The following RNLS variants were observed in gnomAD, a reference collection of about 807,000 sequenced individuals.
RNLS encodes the protein renalase, FAD dependent amine oxidase, also known as renalase.
In RNLS, 39 loss-of-function variants were observed where a neutral mutation model predicts 39.8. The observed-to-expected ratio is 0.98, with a 90% CI of 0.76 to 1.28. RNLS has a LOEUF of 1.28. RNLS is among the 50% of genes most tolerant of loss of function. The pLI, the probability that RNLS is intolerant of heterozygous loss-of-function variation, is 0.00. For missense variants in RNLS, 410 were observed against 413.3 expected (o/e 0.99, Z 0.07); for synonymous variants, 147 against 150.7 (o/e 0.98, Z 0.18).
rs571367006 is a variant in RNLS, at chr10:88,467,982, C to G, written c.526+104921G>C. 6.6e-4 allele frequency among the ~76,000 whole-genome samples: 101 copies of G among 152,294 alleles called. 1 individual carries two copies. In the South Asian group the frequency reaches 7.1e-3, roughly 11 times the overall value. ...ACAGCCATTCCAAACAATTTCCTGGCAGTCTTGCAAGAATTCCAAAATACC... is the reference window on the plus strand; with the variant it reads ...ACAGCCATTCCAAACAATTTCCTGGGAGTCTTGCAAGAATTCCAAAATACC... On this transcript the variant is annotated intron_variant, in intron 4 of 6. Transcript: ENST00000331772.
chr10:88,294,608 T>C (rs138875684), intron 6 of RNLS, among the ~76,000 whole-genome samples: 1,956 of 152,274 alleles, frequency 0.013, 15 homozygotes, highest in Non-Finnish European at 0.02. Flanking sequence ...CTAATTCCTC[T>C]ACACACAACT....
intron 4 of RNLS, among the ~76,000 whole-genome samples, chr10:88,399,196 G>A (rs1450023629): frequency 6.6e-6 from 1 of 151,900 alleles, no homozygotes; most frequent in Non-Finnish European, 1.5e-5. Flanking sequence ...AATATAAATG[G>A]TACAACTCCT....
chr10:88,362,542 G>A lies in RNLS; in HGVS notation c.700+10C>T. ...TTGCTGTATTTAAGGGAAATAATAG[G>A]GGTACTGACCTATATTGCGCTTCTT... On this transcript the variant is annotated intron_variant, in intron 5 of 6. Transcript: ENST00000331772. 6.2e-7 allele frequency: 1 copy of A among 1,610,126 alleles called. No individual in the cohort carries two copies. Among genetic ancestry groups the A allele is most frequent in the Non-Finnish European group, 8.5e-7 (1 of 1,177,600 alleles).
At chr10:88,582,519 T>C (rs546523913) in intron 1 of RNLS, among the ~76,000 whole-genome samples, 2 of 152,290 alleles carry the variant, frequency 1.3e-5, no homozygotes, top group South Asian at 2.1e-4. Flanking sequence ...TATTTAGTAA[T>C]AGGAGTCAGT....
At chr10:88,204,245 A>G in the RNLS span, among the ~76,000 whole-genome samples, 1 of 152,242 alleles carries the variant, frequency 6.6e-6, no homozygotes, top group South Asian at 2.1e-4. Context: ...TTTATTTCTG[A>G]AAGGCTTAGA....
At chr10:88,210,507 C>CT in the RNLS span, among the ~76,000 whole-genome samples, 1 of 152,188 alleles carries the variant, frequency 6.6e-6, no homozygotes, top group Non-Finnish European at 1.5e-5. Flanking sequence ...TGGCAGCTGG[C>CT]TGGGCTGTTT....
intron 4 of RNLS, among the ~76,000 whole-genome samples, chr10:88,493,829 C>T (rs369094589): frequency 6.6e-6 from 1 of 152,146 alleles, no homozygotes; most frequent in Non-Finnish European, 1.5e-5. Context: ...AGAGCTGCAT[C>T]TGTCAGTGGT....
intron 5 of RNLS, among the ~76,000 whole-genome samples, chr10:88,324,128 T>C (rs754334989): frequency 1.8e-4 from 27 of 152,188 alleles, no homozygotes; most frequent in Non-Finnish European, 7.3e-5. Context: ...TATACACTGT[T>C]GGTGGGAACG....
chr10:88,352,373 C>T (rs1334744293), intron 5 of RNLS, among the ~76,000 whole-genome samples: 1 of 152,104 alleles, frequency 6.6e-6, no homozygotes, highest in African/African-American at 2.4e-5. Context: ...AGATACATCC[C>T]ATCAATACAT....
chr10:88,566,437 A>G (rs1849507129), intron 4 of RNLS, among the ~76,000 whole-genome samples: 1 of 152,194 alleles, frequency 6.6e-6, no homozygotes, highest in Non-Finnish European at 1.5e-5. Context: ...ATGATTAACA[A>G]GAGACATATG....
intron 4 of RNLS, among the ~76,000 whole-genome samples, chr10:88,509,727 G>A (rs1270108226): frequency 1.3e-5 from 2 of 151,902 alleles, no homozygotes; most frequent in Non-Finnish European, 2.9e-5. Context: ...TAAAAAGGTG[G>A]GTGGGGGGAA....
chr10:88,329,449 G>C (rs1846913573), intron 5 of RNLS, among the ~76,000 whole-genome samples: 1 of 151,624 alleles, frequency 6.6e-6, no homozygotes, highest in Admixed American at 6.6e-5. Flanking sequence ...TTGATGTTGT[G>C]CAGTTTTATT....
At chr10:88,277,659 T>C (rs1238668185) in intron 6 of RNLS, among the ~76,000 whole-genome samples, 1 of 152,132 alleles carries the variant, frequency 6.6e-6, no homozygotes, top group Admixed American at 6.6e-5. Context: ...TTTCTAGGAG[T>C]ATAATCATAT....
chr10:88,502,530 C>T (rs1845561784), intron 4 of RNLS, among the ~76,000 whole-genome samples: 2 of 152,138 alleles, frequency 1.3e-5, no homozygotes, highest in African/African-American at 4.8e-5. Flanking sequence ...GCATGAGGCC[C>T]TCACCAGATG....
intron 4 of RNLS, among the ~76,000 whole-genome samples, chr10:88,385,970 T>A (rs983965898): frequency 2.0e-5 from 3 of 152,262 alleles, no homozygotes; most frequent in African/African-American, 7.2e-5. Context: ...AATAGCCTGC[T>A]TGCACAAAGT....
At chr10:88,561,695 T>C (rs1435238212) in intron 4 of RNLS, among the ~76,000 whole-genome samples, 1 of 151,970 alleles carries the variant, frequency 6.6e-6, no homozygotes, top group Non-Finnish European at 1.5e-5. Flanking sequence ...AAAGACACAC[T>C]TGACTAAATA....
chr10:88,222,668 A>G, the RNLS span, among the ~76,000 whole-genome samples: 1 of 149,706 alleles, frequency 6.7e-6, no homozygotes, highest in East Asian at 2.0e-4. Flanking sequence ...GTGTTGACTG[A>G]TTTAGTTTTC....
chr10:88,464,107 T>C (rs762199815), intron 4 of RNLS, among the ~76,000 whole-genome samples: 11 of 152,040 alleles, frequency 7.2e-5, no homozygotes, highest in Non-Finnish European at 1.5e-4. Flanking sequence ...CAAATAGCTA[T>C]TAGCTCAAGA....
chr10:88,446,189 C>T (rs1842024514), intron 4 of RNLS, among the ~76,000 whole-genome samples: 1 of 152,160 alleles, frequency 6.6e-6, no homozygotes, highest in African/African-American at 2.4e-5. Context: ...TACATGGAAA[C>T]TGAACAACCT....
Sources: allele counts gnomAD v4.1 joint callset (sites outside exome capture counted in the v4.1 genomes callset), GRCh38; gene constraint gnomAD v4.1.1; transcripts MANE v1.5; gene names NCBI Gene and HGNC (gene_info 2026-07-23, HGNC 2026-07-21).